The following KCTD1 variants were observed in gnomAD, a reference collection of about 807,000 sequenced individuals.
KCTD1 encodes BTB/POZ domain-containing protein KCTD1.
A neutral mutation model predicts 66.0 loss-of-function variants in KCTD1; 24 were observed. That is an observed-to-expected ratio of 0.36 (90% confidence interval 0.26 to 0.51). The LOEUF is 0.51. Ranked by LOEUF, KCTD1 falls within the 20% of genes least tolerant of loss-of-function variation. KCTD1 has a pLI of 0.95. For synonymous variants in KCTD1, 511 were observed against 517.2 expected, an observed-to-expected ratio of 0.99 and a Z score of 0.16; for missense variants, 943 against 1,205.2, an observed-to-expected ratio of 0.78 and a Z score of 3.22.
rs2469421 is a variant in KCTD1 at position 26,612,181 on chromosome 18, C to T, written c.-16+16966G>A. Among the ~76,000 whole-genome samples, 614 of 152,222 alleles carry T rather than the reference C, an allele frequency of 4.0e-3. 6 individuals carry two copies. The highest frequency in any genetic ancestry group is 6.6e-3 in the Non-Finnish European group (448 of 68,020). Reference sequence around the variant, plus strand: ...TAATGCAGGGGACCCAATGCAGACCCCAGGGCTTCTCTCTGTGCAGCTGTT... The same window carrying T: ...TAATGCAGGGGACCCAATGCAGACCTCAGGGCTTCTCTCTGTGCAGCTGTT... On this transcript the variant is annotated intron_variant, in intron 1 of 4. Coordinates refer to the KCTD1 transcript ENST00000317932.
At chr18:26,572,029 GTTTT>G (rs1037266179) in intron 1 of KCTD1, among the ~76,000 whole-genome samples, 2 of 150,620 alleles carry the variant, frequency 1.3e-5, no homozygotes, top group East Asian at 3.9e-4. Flanking sequence ...TAGTGGTAAG[GTTTT>G]TTGTTTTGTT....
Position 26,548,399 on chromosome 18 carries a change from G to GCTGTGGCGGCGGCCGC in KCTD1, c.122_137dup (p.Ser46ArgfsTer201). 1 of 1,438,090 alleles carries GCTGTGGCGGCGGCCGC rather than the reference G, an allele frequency of 7.0e-7. No homozygotes were observed. The highest frequency in any genetic ancestry group is 1.5e-5 in the African/African-American group (1 of 68,430). The allele number at this position is 1,438,090 out of a possible 1,614,324, so 89.1% of individuals were successfully genotyped here. On this transcript the variant is annotated frameshift_variant, in exon 1 of 5. Transcript: ENST00000580059. LOFTEE classifies it high-confidence loss of function. The stretch of plus-strand genomic sequence containing the variant: ...CGCCCGCGCTGCAGTAGTGCGGACG[G>GCTGTGGCGGCGGCCGC]CTGTGGCGGCGGCCGCGGCCCCCCG...
chr18:26,652,950 T>C (rs1988063925), intron 1 of KCTD1, among the ~76,000 whole-genome samples: 1 of 152,242 alleles, frequency 6.6e-6, no homozygotes, highest in Non-Finnish European at 1.5e-5. Flanking sequence ...TGTTCACCTA[T>C]GGCCAACCCT....
chr18:26,614,681 A>C (rs545793606), intron 1 of KCTD1, among the ~76,000 whole-genome samples: 1 of 152,288 alleles, frequency 6.6e-6, no homozygotes, highest in South Asian at 2.1e-4. Context: ...TGGCATTTGG[A>C]ATCTATCTTA....
At chr18:26,505,261 T>C (rs1982974021) in intron 1 of KCTD1, among the ~76,000 whole-genome samples, 1 of 152,244 alleles carries the variant, frequency 6.6e-6, no homozygotes, top group Non-Finnish European at 1.5e-5. Flanking sequence ...TACCTTCCCA[T>C]CATCATCTTA....
chr18:26,460,571 G>A (rs1457019460), intron 3 of KCTD1, among the ~76,000 whole-genome samples: 1 of 152,128 alleles, frequency 6.6e-6, no homozygotes. Context: ...GTGGACAGCT[G>A]GAAGGCTAGT....
At chr18:26,585,715 C>A (rs1044878942) in intron 1 of KCTD1, among the ~76,000 whole-genome samples, 8 of 152,144 alleles carry the variant, frequency 5.3e-5, no homozygotes, top group Admixed American at 3.3e-4. Flanking sequence ...CTGTGTGACA[C>A]ATCTAATTTT....
chr18:26,582,857 G>A (rs1291793941), intron 1 of KCTD1, among the ~76,000 whole-genome samples: 1 of 151,734 alleles, frequency 6.6e-6, no homozygotes, highest in African/African-American at 2.4e-5. Context: ...ACTATCTTTA[G>A]AAAAATACAG....
intron 1 of KCTD1, 88 bp from the exon 2 acceptor site, chr18:26,501,338 T>C (rs1982752278): frequency 8.9e-6 from 10 of 1,118,936 alleles, no homozygotes; most frequent in Non-Finnish European, 1.3e-5. Flanking sequence ...AAACGAGTGA[T>C]TAACGATACT....
intron 1 of KCTD1, among the ~76,000 whole-genome samples, chr18:26,557,179 CTCTG>C (rs1205423547): frequency 6.6e-6 from 1 of 152,190 alleles, no homozygotes; most frequent in African/African-American, 2.4e-5. Flanking sequence ...CAAACTTATT[CTCTG>C]TCCAACTCTG....
intron 1 of KCTD1, among the ~76,000 whole-genome samples, chr18:26,598,001 G>C (rs1187929298): frequency 1.3e-5 from 2 of 152,042 alleles, no homozygotes; most frequent in Non-Finnish European, 2.9e-5. Flanking sequence ...AGAACTTCTT[G>C]GAGAAATGAT....
chr18:26,632,792 G>T (rs1020637208), upstream of KCTD1, among the ~76,000 whole-genome samples: 2 of 152,110 alleles, frequency 1.3e-5, no homozygotes, highest in East Asian at 3.9e-4. Flanking sequence ...CTTAGTAAAG[G>T]TCTCAAAACA....
intron 1 of KCTD1, among the ~76,000 whole-genome samples, chr18:26,655,551 C>G (rs1379380678): frequency 6.6e-6 from 1 of 152,324 alleles, no homozygotes; most frequent in East Asian, 1.9e-4. Flanking sequence ...ATTACTCCTG[C>G]CTACTGCGGT....
At chr18:26,563,607 A>G (rs1985912789) in intron 1 of KCTD1, among the ~76,000 whole-genome samples, 2 of 152,204 alleles carry the variant, frequency 1.3e-5, no homozygotes, top group South Asian at 4.1e-4. Flanking sequence ...CTGTGAAAGC[A>G]AGAGAATGTA....
chr18:26,489,022 C>G (rs1413434699), intron 2 of KCTD1, among the ~76,000 whole-genome samples: 2 of 152,194 alleles, frequency 1.3e-5, no homozygotes, highest in African/African-American at 4.8e-5. Context: ...AAAACACACA[C>G]CTCGTAAGAT....
chr18:26,461,022 AG>A (rs1567953740), intron 3 of KCTD1: 4 of 152,260 alleles, frequency 2.6e-5, no homozygotes. Context: ...AAGAGCTGGC[AG>A]GGGATGCCCA....
At chr18:26,581,154 A>C (rs1024197656) in intron 1 of KCTD1, 14 of 152,234 alleles carry the variant, frequency 9.2e-5, no homozygotes, top group African/African-American at 3.4e-4. Context: ...TGTTAAGTAA[A>C]ACAAACAAAA....
Position 26,455,593 on chromosome 18 carries a change from C to G in KCTD1, c.*150G>C. ...TATTCCAATTGTTCCCATATGAATACAGGTGTGGTCTCTATTGGATATAAA... is the reference window on the plus strand; with the variant it reads ...TATTCCAATTGTTCCCATATGAATAGAGGTGTGGTCTCTATTGGATATAAA... On this transcript the variant is annotated 3_prime_UTR_variant, in exon 5 of 5. Transcript: ENST00000580059. 1 of 755,220 alleles carries G rather than the reference C, an allele frequency of 1.3e-6. No individual in the cohort carries two copies. The highest frequency in any genetic ancestry group is 2.2e-6 in the Non-Finnish European group (1 of 463,160). 46.8% of individuals were successfully genotyped at this position (755,220 alleles called of 1,614,324 possible). A position where few individuals can be genotyped will look rare whatever the true frequency, so the allele number is the denominator to read the frequency against.
At chr18:26,549,206 G>C, upstream of KCTD1, 5 of 986,052 alleles carry the variant, frequency 5.1e-6, no homozygotes, top group Non-Finnish European at 6.0e-6. Context: ...GCTTGGGAGC[G>C]GGATGGGGCT....
Sources: allele counts gnomAD v4.1 joint callset (sites outside exome capture counted in the v4.1 genomes callset), GRCh38; gene constraint gnomAD v4.1.1; transcripts MANE v1.5; gene names NCBI Gene and HGNC (gene_info 2026-07-23, HGNC 2026-07-21).